Variants in CNTN5 observed in about 807,000 individuals in gnomAD.
The protein encoded by CNTN5 is contactin-5.
A neutral mutation model predicts 129.1 loss-of-function variants in CNTN5; 77 were observed. That is an observed-to-expected ratio of 0.60 (90% CI 0.50 to 0.72). The LOEUF (loss-of-function observed/expected upper bound fraction) is 0.72. Ranked by LOEUF, CNTN5 falls within the 30% of genes least tolerant of loss-of-function variation. The pLI, the probability that CNTN5 is intolerant of heterozygous loss-of-function variation, is 0.00. For synonymous variants in CNTN5, 509 were observed against 465.6 expected (o/e 1.09, Z -1.20); for missense variants, 1,478 against 1,328.8 (o/e 1.11, Z -1.75).
At chr11:99,346,285 T>G (rs774200137) in intron 2 of CNTN5, among the ~76,000 whole-genome samples, 3 of 152,074 alleles carry the variant, frequency 2.0e-5, no homozygotes, top group Admixed American at 6.6e-5. Flanking sequence ...AACAAAGAAT[T>G]GAATTAATTT....
chr11:99,471,266 A>G (rs2135275211), intron 2 of CNTN5, among the ~76,000 whole-genome samples: 1 of 152,306 alleles, frequency 6.6e-6, no homozygotes, highest in East Asian at 1.9e-4. Context: ...TCCAGAATAT[A>G]AAATATCTTC....
chr11:99,618,188 G>A (rs1950818858), intron 3 of CNTN5, among the ~76,000 whole-genome samples: 2 of 152,058 alleles, frequency 1.3e-5, no homozygotes, highest in African/African-American at 4.8e-5. Flanking sequence ...TGTTTACAGG[G>A]CTTCTATTAA....
chr11:99,401,284 A>T (rs747818021), intron 2 of CNTN5, among the ~76,000 whole-genome samples: 1 of 152,136 alleles, frequency 6.6e-6, no homozygotes, highest in Non-Finnish European at 1.5e-5. Flanking sequence ...ATCTAGTTTC[A>T]TTGTTCTGCA....
intron 3 of CNTN5, among the ~76,000 whole-genome samples, chr11:99,729,249 C>A (rs1029300303): frequency 5.3e-5 from 8 of 152,010 alleles, no homozygotes; most frequent in Admixed American, 4.6e-4. Flanking sequence ...TCAGAGAAGG[C>A]ATAGATATTG....
At chr11:100,068,235 AATATT>A (rs1270716007) in intron 10 of CNTN5, among the ~76,000 whole-genome samples, 4 of 152,140 alleles carry the variant, frequency 2.6e-5, no homozygotes, top group Non-Finnish European at 4.4e-5. Flanking sequence ...AACCAACTAA[AATATT>A]AAATAACAAT....
chr11:100,300,911 T>G (rs1951203686), intron 20 of CNTN5, among the ~76,000 whole-genome samples: 1 of 151,598 alleles, frequency 6.6e-6, no homozygotes. Context: ...TCTCAAACCT[T>G]AATCTACATT....
chr11:100,146,942 A>C (rs892050245), intron 13 of CNTN5, among the ~76,000 whole-genome samples: 5 of 152,150 alleles, frequency 3.3e-5, no homozygotes, highest in Non-Finnish European at 7.3e-5. Flanking sequence ...ATTGCCTATA[A>C]TCTAAGCCCT....
chr11:100,036,376 T>C (rs1408039869), intron 9 of CNTN5, among the ~76,000 whole-genome samples: 8 of 152,052 alleles, frequency 5.3e-5, no homozygotes, highest in Non-Finnish European at 8.8e-5. Context: ...TGTAGCTTTG[T>C]AGTATATTTT....
At chr11:99,897,871 T>C (rs1487115736) in intron 6 of CNTN5, among the ~76,000 whole-genome samples, 2 of 152,162 alleles carry the variant, frequency 1.3e-5, no homozygotes, top group African/African-American at 4.8e-5. Flanking sequence ...ATAAATAAGA[T>C]CTAATGATCT....
At chr11:99,638,530 C>G (rs554982147) in intron 3 of CNTN5, among the ~76,000 whole-genome samples, 2 of 152,306 alleles carry the variant, frequency 1.3e-5, no homozygotes, top group African/African-American at 4.8e-5. Flanking sequence ...CTTAACTCTT[C>G]TGCCTATGAG....
chr11:99,080,995 T>C (rs1403376295), intron 1 of CNTN5, among the ~76,000 whole-genome samples: 1 of 151,468 alleles, frequency 6.6e-6, no homozygotes, highest in Non-Finnish European at 1.5e-5. Context: ...TTTTTTTTTT[T>C]TTTTCAGAAG....
chr11:99,813,630 G>A (rs1342935297), intron 3 of CNTN5, among the ~76,000 whole-genome samples: 1 of 152,052 alleles, frequency 6.6e-6, no homozygotes, highest in Non-Finnish European at 1.5e-5. Flanking sequence ...ATCATTTAAA[G>A]GGTACTTTAG....
chr11:100,149,197 A>G (rs1486790120), intron 13 of CNTN5, among the ~76,000 whole-genome samples: 1 of 152,056 alleles, frequency 6.6e-6, no homozygotes, highest in Non-Finnish European at 1.5e-5. Context: ...CTCTAAACTA[A>G]TTTCATTCAT....
At chr11:99,022,459 G>A (rs1370566019) in intron 1 of CNTN5, among the ~76,000 whole-genome samples, 1 of 152,096 alleles carries the variant, frequency 6.6e-6, no homozygotes, top group Non-Finnish European at 1.5e-5. Context: ...AATGCCTGTA[G>A]TCAATTTTGA....
At chr11:99,193,342 A>G (rs1030757376) in intron 1 of CNTN5, among the ~76,000 whole-genome samples, 21 of 152,178 alleles carry the variant, frequency 1.4e-4, no homozygotes, top group African/African-American at 4.3e-4. Context: ...CGAAGTTGAA[A>G]CTGAATGACC....
chr11:100,072,837 T>C (rs2137879898), intron 12 of CNTN5, among the ~76,000 whole-genome samples: 1 of 152,210 alleles, frequency 6.6e-6, no homozygotes, highest in Middle Eastern at 3.4e-3. Flanking sequence ...CAAATGTTAA[T>C]GAACTTTCTT....
rs542557541 is a variant in CNTN5 at position 100,256,832 on chromosome 11, T to C, written c.2164+914T>C. Among the ~76,000 whole-genome samples, 3 of 152,170 alleles carry C rather than the reference T, an allele frequency of 2.0e-5. No homozygotes were observed. The East Asian group carries it at 5.9e-4, about 30-fold the overall frequency. On this transcript the variant is annotated intron_variant, in intron 17 of 24. Coordinates refer to ENST00000524871, the MANE Select transcript of CNTN5 (RefSeq NM_014361.4). ...AGACCAGGAGATTCCCTCAGGTGCC[T>C]ATGGCACCAGGGCCCTGGGTTTCAA...
In CNTN5 at chr11:99,443,884, A is replaced by G. The variant is rs187860039; in HGVS notation, c.-70-112261A>G. On this transcript the variant is annotated intron_variant, in intron 2 of 24. Coordinates refer to ENST00000524871, the MANE Select transcript of CNTN5 (RefSeq NM_014361.4). ...GCAGGACTATTTTTGAATCTTTTCT[A>G]TTGAGACTTTCAGTAACTTTATTGA... Among the ~76,000 whole-genome samples, 198 of 152,286 alleles carry G rather than the reference A, an allele frequency of 1.3e-3. 1 individual carries two copies. Among genetic ancestry groups the G allele is most frequent in the African/African-American group, 4.5e-3 (189 of 41,566 alleles).
At chr11:100,110,376 A>G (rs1411319373) in intron 13 of CNTN5, among the ~76,000 whole-genome samples, 1 of 152,114 alleles carries the variant, frequency 6.6e-6, no homozygotes, top group Non-Finnish European at 1.5e-5. Flanking sequence ...TTTAAGGGCA[A>G]TTATAAGAAA....
Sources: allele counts gnomAD v4.1 joint callset (sites outside exome capture counted in the v4.1 genomes callset), GRCh38; gene constraint gnomAD v4.1.1; transcripts MANE v1.5; gene names NCBI Gene and HGNC (gene_info 2026-07-23, HGNC 2026-07-21).